The following METTL24 variants were observed in gnomAD, a reference collection of about 807,000 sequenced individuals.
METTL24 encodes the protein methyltransferase like 24, also known as probable methyltransferase-like protein 24.
METTL24 carries 29 observed loss-of-function variants against 32.7 expected under a neutral mutation model. The observed-to-expected ratio is 0.89, with a 90% CI of 0.66 to 1.21. The LOEUF is 1.21. METTL24 is among the 50% of genes most tolerant of loss of function. The pLI is 0.00. For synonymous variants in METTL24, 163 were observed against 179.5 expected, an observed-to-expected ratio of 0.91 and a Z score of 0.73; for missense variants, 439 against 468.1, an observed-to-expected ratio of 0.94 and a Z score of 0.57.
intron 4 of METTL24, among the ~76,000 whole-genome samples, chr6:110,291,896 G>A (rs1331247360): frequency 6.6e-6 from 1 of 152,158 alleles, no homozygotes; most frequent in Non-Finnish European, 1.5e-5. Flanking sequence ...CTTTATGTCA[G>A]TACCAGACTA....
intron 1 of METTL24, among the ~76,000 whole-genome samples, chr6:110,356,976 C>T (rs1002173508): frequency 6.6e-6 from 1 of 152,026 alleles, no homozygotes; most frequent in African/African-American, 2.4e-5. Flanking sequence ...AAGACAGCAG[C>T]GAGGCAAAGG....
intron 4 of METTL24, among the ~76,000 whole-genome samples, chr6:110,276,407 C>T (rs905129511): frequency 5.3e-5 from 8 of 152,304 alleles, no homozygotes; most frequent in Non-Finnish European, 1.2e-4. Context: ...GCTGTGATCA[C>T]GCCACTGCAC....
chr6:110,311,740 C>G (rs1487767337), intron 3 of METTL24, among the ~76,000 whole-genome samples: 2 of 152,130 alleles, frequency 1.3e-5, no homozygotes, highest in Non-Finnish European at 2.9e-5. Flanking sequence ...TCAAAAAGTG[C>G]TGGGCTTGAG....
chr6:110,266,975 T>C (rs1380083081), intron 4 of METTL24, among the ~76,000 whole-genome samples: 2 of 152,124 alleles, frequency 1.3e-5, no homozygotes, highest in Non-Finnish European at 2.9e-5. Context: ...AAAAAAAAGC[T>C]GTAAGTTATA....
chr6:110,249,913 C>T (rs1778244002), intron 4 of METTL24, among the ~76,000 whole-genome samples: 1 of 151,982 alleles, frequency 6.6e-6, no homozygotes, highest in African/African-American at 2.4e-5. Context: ...GTCCTCCTAT[C>T]AAAAATTATC....
At position 110,358,185 on chromosome 6, in the gene METTL24, A is replaced by C. The variant is rs1235374907; in HGVS notation, c.88T>G (p.Cys30Gly). The C allele has an allele frequency of 7.0e-7, 1 of 1,419,690 alleles. No individual in the cohort carries two copies. Among genetic ancestry groups the C allele is most frequent in the Non-Finnish European group, 9.2e-7 (1 of 1,091,660 alleles). The allele number at this position is 1,419,690 out of a possible 1,614,324, so 87.9% of individuals were successfully genotyped here. A position where few individuals can be genotyped will look rare whatever the true frequency, so the allele number is the denominator to read the frequency against. The change falls in exon 1 of 5, where the codon TGC becomes GGC. Residue 30 changes from cysteine (C) to glycine (G), a missense_variant. Coordinates refer to ENST00000338882, the MANE Select transcript of METTL24 (RefSeq NM_001123364.3). Reference sequence around the variant, plus strand: ...GGCCCGGCGCGCCGCAGCTCTGCGCAGAGCCGCAGGCCGAACAACAGCACA... The same window carrying C: ...GGCCCGGCGCGCCGCAGCTCTGCGCCGAGCCGCAGGCCGAACAACAGCACA... Reference protein sequence around the residue: ...GAVLLFGLRLCAELRRAGPGS... With the variant: ...GAVLLFGLRLGAELRRAGPGS...
chr6:110,321,003 G>A (rs537230368), intron 2 of METTL24, among the ~76,000 whole-genome samples: 1 of 152,272 alleles, frequency 6.6e-6, no homozygotes, highest in Admixed American at 6.5e-5. Flanking sequence ...TTGGGAGGCT[G>A]AGGTGGGTGG....
intron 4 of METTL24, among the ~76,000 whole-genome samples, chr6:110,286,764 G>C (rs1418262045): frequency 6.6e-6 from 1 of 152,198 alleles, no homozygotes; most frequent in Non-Finnish European, 1.5e-5. Context: ...AGTGGGCTGG[G>C]AAAGGCAGAC....
At chr6:110,289,016 C>T (rs1771273425) in intron 4 of METTL24, among the ~76,000 whole-genome samples, 1 of 152,162 alleles carries the variant, frequency 6.6e-6, no homozygotes, top group African/African-American at 2.4e-5. Flanking sequence ...AGCAAATGAG[C>T]TGGACCTCTG....
intron 3 of METTL24, among the ~76,000 whole-genome samples, chr6:110,304,023 C>G (rs1050352676): frequency 6.6e-6 from 1 of 152,162 alleles, no homozygotes; most frequent in South Asian, 2.1e-4. Flanking sequence ...CCCAGGCAAA[C>G]AGGGTCTGGA....
At chr6:110,254,913 T>C (rs1778354546) in intron 4 of METTL24, among the ~76,000 whole-genome samples, 1 of 152,180 alleles carries the variant, frequency 6.6e-6, no homozygotes. Context: ...AAGAGGGTCT[T>C]GTTGTTGTAG....
At chr6:110,355,222 T>A (rs147894584) in intron 1 of METTL24, among the ~76,000 whole-genome samples, 2 of 152,216 alleles carry the variant, frequency 1.3e-5, no homozygotes, top group Non-Finnish European at 1.5e-5. Flanking sequence ...AGGGTTGCTA[T>A]GGGAAGGTTT....
chr6:110,276,891 A>G (rs749852818), intron 4 of METTL24, among the ~76,000 whole-genome samples: 3 of 152,164 alleles, frequency 2.0e-5, no homozygotes, highest in African/African-American at 4.8e-5. Flanking sequence ...CAAAAAGAAC[A>G]AGGGAAAAAG....
intron 1 of METTL24, among the ~76,000 whole-genome samples, chr6:110,334,835 T>C (rs1230458998): frequency 6.6e-6 from 1 of 152,238 alleles, no homozygotes; most frequent in Non-Finnish European, 1.5e-5. Flanking sequence ...CATTTGACAA[T>C]GATACAGTAT....
chr6:110,271,057 GCCACATTGGCCAGGCTGGTCT>G (rs1320800383), intron 4 of METTL24, among the ~76,000 whole-genome samples: 1 of 149,534 alleles, frequency 6.7e-6, no homozygotes, highest in Non-Finnish European at 1.5e-5. Context: ...ATGGGGTTTT[GCCACATTGGCCAGGCTGGTCT>G]CGAACTCCTG....
chr6:110,266,352 G>T (rs1373974990), intron 4 of METTL24, among the ~76,000 whole-genome samples: 1 of 152,128 alleles, frequency 6.6e-6, no homozygotes, highest in Non-Finnish European at 1.5e-5. Context: ...GGATTTCAAA[G>T]CTTTTGTAAA....
chr6:110,357,523 C>G (rs1159425687), intron 1 of METTL24: 1 of 152,402 alleles, frequency 6.6e-6, no homozygotes, highest in African/African-American at 2.4e-5. Flanking sequence ...GATACCCACC[C>G]AACTCTGTCC....
intron 4 of METTL24, among the ~76,000 whole-genome samples, chr6:110,254,830 A>C (rs1403150075): frequency 1.3e-5 from 2 of 152,214 alleles, no homozygotes; most frequent in Non-Finnish European, 2.9e-5. Context: ...TTTAATGATA[A>C]AATATATCTA....
chr6:110,254,057 G>T (rs1778335282), intron 4 of METTL24: 1 of 875,188 alleles, frequency 1.1e-6, no homozygotes, highest in Admixed American at 4.3e-5. Context: ...GAGCTCTCCT[G>T]CTTAAAAAAA....
Sources: allele counts gnomAD v4.1 joint callset (sites outside exome capture counted in the v4.1 genomes callset), GRCh38; gene constraint gnomAD v4.1.1; transcripts MANE v1.5; gene names NCBI Gene and HGNC (gene_info 2026-07-23, HGNC 2026-07-21).